PLXDC2: variants seen among roughly 807,000 people sequenced by gnomAD.
PLXDC2 encodes plexin domain containing 2, also known as plexin domain-containing protein 2.
PLXDC2 carries 40 observed loss-of-function variants against 68.9 expected under a neutral mutation model. The ratio of observed to expected loss-of-function variants is 0.58; its 90% confidence interval spans 0.45 to 0.76. PLXDC2 has a LOEUF of 0.76. PLXDC2 is among the 30% of genes least tolerant of loss of function. The probability of loss-of-function intolerance (pLI) is 0.00; values close to 1 mark genes in which losing one functional copy is unlikely to be tolerated. For missense variants in PLXDC2, 644 were observed against 661.9 expected (o/e 0.97, Z 0.30); for synonymous variants, 243 against 234.2 (o/e 1.04, Z -0.34).
rs145789959 is a variant in PLXDC2 at position 20,145,994 on chromosome 10, A to C, written c.665-1790A>C. ...AAGTATATTTTCTTGTATTTAATGC[A>C]GGAATGTCTTGAAGGCAAAAACTAT... On this transcript the variant is annotated intron_variant, in intron 5 of 13. Transcript: ENST00000377252. Among the ~76,000 whole-genome samples, 138 of 152,324 alleles carry C rather than the reference A, an allele frequency of 9.1e-4. 1 individual carries two copies. In the East Asian group the frequency reaches 0.02, roughly 22 times the overall value.
intron 2 of PLXDC2, among the ~76,000 whole-genome samples, chr10:20,046,518 T>C (rs1835801755): frequency 1.3e-5 from 2 of 152,108 alleles, no homozygotes; most frequent in Admixed American, 1.3e-4. Context: ...CATATATATC[T>C]CGATTGATGA....
rs1433481821 is a variant in PLXDC2, at chr10:20,164,448, C to G, written c.784-20C>G. On this transcript the variant is annotated intron_variant, in intron 6 of 13. Transcript: ENST00000377252. ...GAAATTCAGATCTAACATATAGTTA[C>G]CTGCTTTGTTTTTTTCCAGATTCCT... 6.3e-7 allele frequency: 1 copy of G among 1,575,584 alleles called. No homozygotes were observed.
intron 1 of PLXDC2, among the ~76,000 whole-genome samples, chr10:19,996,110 T>C (rs1284450217): frequency 6.6e-6 from 1 of 151,858 alleles, no homozygotes; most frequent in African/African-American, 2.4e-5. Context: ...TGGTAGCAAG[T>C]GGAGAAAAGG....
At position 19,850,977 on chromosome 10, in the gene PLXDC2, C is replaced by G. The variant is rs559979243; in HGVS notation, c.112+33786C>G. Reference sequence around the variant, plus strand: ...CATGCCAAGCATTCAGGTATGTAACCCCAGAAGATTTAAGGAATCACAAGA... The same window carrying G: ...CATGCCAAGCATTCAGGTATGTAACGCCAGAAGATTTAAGGAATCACAAGA... On this transcript the variant is annotated intron_variant, in intron 1 of 13. Transcript: ENST00000377252. Among the ~76,000 whole-genome samples, 10 of 152,090 alleles carry G rather than the reference C, an allele frequency of 6.6e-5. No individual in the cohort carries two copies. In the South Asian group the frequency reaches 2.1e-3, roughly 32 times the overall value.
rs112698175 is a variant in PLXDC2 at position 20,011,462 on chromosome 10, C to T, written c.324+9476C>T. ...CAGCAGTTTAGCAAAGTGTGAAAAA[C>T]GTCATCCACCAGCGCCTAGATTGGA... On this transcript the variant is annotated intron_variant, in intron 2 of 13. Transcript: ENST00000377252. Among the ~76,000 whole-genome samples the T allele has an allele frequency of 3.6e-3, 547 of 152,316 alleles. 1 individual carries two copies. The highest frequency in any genetic ancestry group is 6.4e-3 in the Non-Finnish European group (433 of 68,036).
intron 1 of PLXDC2, among the ~76,000 whole-genome samples, chr10:19,967,842 A>G (rs1229787001): frequency 1.3e-5 from 2 of 152,220 alleles, no homozygotes; most frequent in East Asian, 1.9e-4. Flanking sequence ...AAAATCAAAG[A>G]TGCATCCTAA....
intron 4 of PLXDC2, among the ~76,000 whole-genome samples, chr10:20,075,758 G>A (rs1277408707): frequency 6.6e-6 from 1 of 152,184 alleles, no homozygotes; most frequent in African/African-American, 2.4e-5. Context: ...CAGAGCATTG[G>A]CACATGATGG....
chr10:20,189,414 A>T (rs1002203391), intron 9 of PLXDC2, among the ~76,000 whole-genome samples: 2 of 146,528 alleles, frequency 1.4e-5, no homozygotes, highest in Non-Finnish European at 3.0e-5. Context: ...CCACACACAC[A>T]TATTGTGTAT....
At chr10:20,234,549 T>G (rs1331584678) in intron 12 of PLXDC2, among the ~76,000 whole-genome samples, 3 of 152,182 alleles carry the variant, frequency 2.0e-5, no homozygotes, top group Non-Finnish European at 4.4e-5. Flanking sequence ...TGTTTTCATT[T>G]TGTTTTCTTT....
rs1360853685 is a variant in PLXDC2 at position 20,054,726 on chromosome 10, A to G, written c.471+7711A>G. Among the ~76,000 whole-genome samples the G allele has an allele frequency of 2.0e-5, 3 of 152,054 alleles. No individual in the cohort carries two copies. The East Asian group carries it at 5.8e-4, about 29-fold the overall frequency. On this transcript the variant is annotated intron_variant, in intron 3 of 13. Coordinates refer to ENST00000377252, the MANE Select transcript of PLXDC2 (RefSeq NM_032812.9). ...TGTGAGGTGGGGTGAGGGGGGAGGG[A>G]TAGCATTAGGAGATATACCTAATGT...
At chr10:20,248,756 C>G (rs533330641) in intron 13 of PLXDC2, among the ~76,000 whole-genome samples, 1 of 152,102 alleles carries the variant, frequency 6.6e-6, no homozygotes, top group Non-Finnish European at 1.5e-5. Context: ...TATGCAGACG[C>G]GTGGATTTAA....
intron 9 of PLXDC2, among the ~76,000 whole-genome samples, chr10:20,196,411 G>A (rs1018914522): frequency 1.3e-5 from 2 of 152,100 alleles, no homozygotes; most frequent in African/African-American, 4.8e-5. Flanking sequence ...TGTGCTAGGT[G>A]CCATGGAGGG....
At chr10:19,917,672 C>T (rs1056252184) in intron 1 of PLXDC2, among the ~76,000 whole-genome samples, 10 of 152,162 alleles carry the variant, frequency 6.6e-5, no homozygotes, top group Non-Finnish European at 1.0e-4. Context: ...GAAAGGGATT[C>T]AGACAATATG....
At chr10:19,996,688 A>G (rs989956425) in intron 1 of PLXDC2, among the ~76,000 whole-genome samples, 1 of 152,190 alleles carries the variant, frequency 6.6e-6, no homozygotes, top group Non-Finnish European at 1.5e-5. Context: ...CCATGCTAAT[A>G]AAGACATACG....
intron 1 of PLXDC2, among the ~76,000 whole-genome samples, chr10:19,914,129 G>A (rs935186347): frequency 1.7e-4 from 25 of 150,128 alleles, no homozygotes; most frequent in Non-Finnish European, 3.6e-4. Context: ...GAGGTAGGGA[G>A]GAAGGAAAGA....
At chr10:20,060,488 TAAAAAAAAAAA>T (rs58942454) in intron 3 of PLXDC2, among the ~76,000 whole-genome samples, 1 of 139,108 alleles carries the variant, frequency 7.2e-6, no homozygotes, top group African/African-American at 2.7e-5. Flanking sequence ...CCTGGAATGT[TAAAAAAAAAAA>T]AAAAAAAAAA....
intron 9 of PLXDC2, among the ~76,000 whole-genome samples, chr10:20,195,579 G>A (rs929163405): frequency 6.6e-6 from 1 of 152,076 alleles, no homozygotes; most frequent in African/African-American, 2.4e-5. Flanking sequence ...TAAAGTTTAT[G>A]CAAGTTCTCT....
intron 13 of PLXDC2, among the ~76,000 whole-genome samples, chr10:20,253,054 A>G (rs906293772): frequency 2.0e-5 from 3 of 152,064 alleles, no homozygotes; most frequent in African/African-American, 7.2e-5. Flanking sequence ...ATAAAAAAAG[A>G]CTGCTCTCCA....
intron 1 of PLXDC2, among the ~76,000 whole-genome samples, chr10:19,885,164 C>T (rs1165658116): frequency 3.9e-5 from 6 of 152,028 alleles, no homozygotes; most frequent in Middle Eastern, 3.4e-3. Context: ...TTGAGAAGTG[C>T]CTGTTCATGT....
Sources: allele counts gnomAD v4.1 joint callset (sites outside exome capture counted in the v4.1 genomes callset), GRCh38; gene constraint gnomAD v4.1.1; transcripts MANE v1.5; gene names NCBI Gene and HGNC (gene_info 2026-07-23, HGNC 2026-07-21).